Variants in DYNC2LI1 observed in about 807,000 individuals in gnomAD.
DYNC2LI1 encodes cytoplasmic dynein 2 light intermediate chain 1.
In DYNC2LI1, 45 loss-of-function variants were observed where a neutral mutation model predicts 51.9. The observed-to-expected ratio is 0.87, with a 90% CI of 0.68 to 1.11. The LOEUF is 1.11. Among genes scored for constraint, DYNC2LI1 ranks in the 50% most tolerant of loss-of-function variants. DYNC2LI1 has a pLI of 0.00. For missense variants in DYNC2LI1, 490 were observed against 417.4 expected, an observed-to-expected ratio of 1.17 and a Z score of -1.51; for synonymous variants, 130 against 137.8, an observed-to-expected ratio of 0.94 and a Z score of 0.40.
chr2:43,790,549 T>G (rs999763956), intron 5 of DYNC2LI1, among the ~76,000 whole-genome samples: 8 of 152,098 alleles, frequency 5.3e-5, no homozygotes, highest in Non-Finnish European at 7.4e-5. Flanking sequence ...TGGTCTTTTT[T>G]TTTTTCCTTT....
intron 8 of DYNC2LI1, among the ~76,000 whole-genome samples, chr2:43,798,526 A>G (rs756177649): frequency 1.6e-4 from 24 of 152,208 alleles, no homozygotes; most frequent in Admixed American, 5.2e-4. Context: ...TTATAAAGTT[A>G]GCTGAGGGAA....
chr2:43,775,692 C>CTTTT, intron 1 of DYNC2LI1: 14 of 325,930 alleles, frequency 4.3e-5, no homozygotes, highest in South Asian at 1.4e-4. Flanking sequence ...TTTTTATTTT[C>CTTTT]TTTTTTTTTT....
the DYNC2LI1 span, among the ~76,000 whole-genome samples, chr2:43,816,464 A>G: frequency 6.6e-6 from 1 of 152,248 alleles, no homozygotes; most frequent in Non-Finnish European, 1.5e-5. Context: ...TGAAAGGCAC[A>G]GACAGAAGGA....
At chr2:43,796,037 C>G (rs939329651) in intron 7 of DYNC2LI1, 79 bp downstream of exon 7, 2 of 985,348 alleles carry the variant, frequency 2.0e-6, no homozygotes, top group African/African-American at 1.7e-5. Context: ...AAAATAATAT[C>G]AAAATAAGAA....
the DYNC2LI1 span, among the ~76,000 whole-genome samples, chr2:43,818,154 C>A: frequency 6.6e-6 from 1 of 152,010 alleles, no homozygotes; most frequent in Admixed American, 6.5e-5. Context: ...TATGGCTACT[C>A]AAAATACAGT....
At chr2:43,816,438 G>C in the DYNC2LI1 span, among the ~76,000 whole-genome samples, 1 of 152,216 alleles carries the variant, frequency 6.6e-6, no homozygotes, top group Non-Finnish European at 1.5e-5. Flanking sequence ...GTGGCGGAGA[G>C]AGAGAAATGG....
intron 12 of DYNC2LI1, among the ~76,000 whole-genome samples, chr2:43,809,228 G>A (rs976589475): frequency 6.6e-6 from 1 of 152,126 alleles, no homozygotes; most frequent in Non-Finnish European, 1.5e-5. Context: ...CTGGGCTCAA[G>A]CAATTCTCCT....
intron 12 of DYNC2LI1, among the ~76,000 whole-genome samples, chr2:43,807,093 T>G (rs1372943187): frequency 1.3e-5 from 2 of 152,190 alleles, no homozygotes; most frequent in Non-Finnish European, 2.9e-5. Context: ...AATCTAAATT[T>G]TGACATTCTA....
the DYNC2LI1 span, among the ~76,000 whole-genome samples, chr2:43,820,537 G>C: frequency 6.6e-6 from 1 of 152,068 alleles, no homozygotes; most frequent in Non-Finnish European, 1.5e-5. Flanking sequence ...CTGTTATATG[G>C]GATTATTGCC....
intron 7 of DYNC2LI1, 121 bp downstream of exon 7, chr2:43,796,079 G>A (rs184103338): frequency 8.3e-6 from 6 of 722,858 alleles, no homozygotes; most frequent in Admixed American, 6.1e-5. Flanking sequence ...GTTAAGTCAT[G>A]CATCTTAAAG....
intron 12 of DYNC2LI1, among the ~76,000 whole-genome samples, chr2:43,806,691 A>G (rs953043715): frequency 6.6e-6 from 1 of 152,224 alleles, no homozygotes; most frequent in Admixed American, 6.5e-5. Flanking sequence ...TATTAAGTTC[A>G]TATACATCAG....
intron 11 of DYNC2LI1, 37 bp downstream of exon 11, chr2:43,804,776 A>G: frequency 7.4e-7 from 1 of 1,348,388 alleles, no homozygotes; most frequent in South Asian, 1.3e-5. Flanking sequence ...CAAGACTTTT[A>G]GCACTGTCTA....
chr2:43,788,921 C>T (rs1165078707), intron 4 of DYNC2LI1, among the ~76,000 whole-genome samples: 1 of 152,178 alleles, frequency 6.6e-6, no homozygotes, highest in African/African-American at 2.4e-5. Flanking sequence ...AGGTGTGAAC[C>T]ACTGCACCCA....
the DYNC2LI1 span, chr2:43,828,133 TA>T: frequency 2.5e-6 from 4 of 1,613,608 alleles, no homozygotes; most frequent in Non-Finnish European, 3.4e-6. Flanking sequence ...AGACACAAAT[TA>T]CAGGAAGGCT....
intron 2 of DYNC2LI1, among the ~76,000 whole-genome samples, chr2:43,778,869 G>T (rs1039455360): frequency 6.6e-6 from 1 of 152,028 alleles, no homozygotes; most frequent in Admixed American, 6.5e-5. Context: ...TATACAAACT[G>T]TTTTTTGTTT....
At chr2:43,824,463 T>G in the DYNC2LI1 span, 2 of 1,611,042 alleles carry the variant, frequency 1.2e-6, no homozygotes, top group Non-Finnish European at 1.7e-6. Context: ...ATGTCACCCA[T>G]GTGTTTTTAA....
intron 2 of DYNC2LI1, 91 bp downstream of exon 2, chr2:43,776,990 A>G (rs1673056877): frequency 4.3e-6 from 3 of 698,486 alleles, no homozygotes; most frequent in South Asian, 4.3e-5. Context: ...AGATACTTCA[A>G]CACTTTAACC....
At chr2:43,810,659 C>T (rs77745263), downstream of DYNC2LI1, 3,776 of 327,312 alleles carry the variant, frequency 0.012, 92 homozygotes, top group African/African-American at 0.061. Flanking sequence ...GATAGCAAGC[C>T]ATCTGCTTAT....
At chr2:43,824,743 C>T in the DYNC2LI1 span, 9 of 1,448,312 alleles carry the variant, frequency 6.2e-6, no homozygotes, top group Non-Finnish European at 8.4e-6. Flanking sequence ...AGTTCATTGA[C>T]CCGGCCAAAT....
Sources: gnomAD v4.1 joint callset for allele counts (sites outside exome capture counted in the v4.1 genomes callset) on GRCh38, gnomAD v4.1.1 for gene constraint, MANE v1.5 for transcripts, NCBI Gene and HGNC (gene_info 2026-07-23, HGNC 2026-07-21) for gene names.